KLHL3: variants seen among roughly 807,000 people sequenced by gnomAD.
KLHL3 encodes the protein kelch like family member 3.
Under a neutral mutation model 70.5 loss-of-function variants are expected in KLHL3, and 19 were observed. The observed-to-expected ratio is 0.27, with a 90% CI of 0.19 to 0.40. The LOEUF is 0.40. KLHL3 is among the 10% of genes least tolerant of loss of function. The pLI is 1.00. For missense variants in KLHL3, 512 were observed against 771.1 expected, an observed-to-expected ratio of 0.66 and a Z score of 3.98; for synonymous variants, 258 against 290.3, an observed-to-expected ratio of 0.89 and a Z score of 1.13.
intron 8 of KLHL3, among the ~76,000 whole-genome samples, chr5:137,645,159 T>A (rs1351582128): frequency 6.6e-6 from 1 of 152,148 alleles, no homozygotes; most frequent in African/African-American, 2.4e-5. Flanking sequence ...AGAAGGAATG[T>A]AACTCAACAT....
Position 137,618,059 on chromosome 5 carries a change from A to G in KLHL3, c.*4039T>C. The G allele has an allele frequency of 6.6e-6, 1 of 152,658 alleles. No homozygotes were observed. The highest frequency in any genetic ancestry group is 1.5e-5 in the Non-Finnish European group (1 of 68,056). 9.5% of individuals were successfully genotyped at this position (152,658 alleles called of 1,614,324 possible). A position where few individuals can be genotyped will look rare whatever the true frequency, so the allele number is the denominator to read the frequency against. Reference sequence around the variant, plus strand: ...CTATGAGGCTGTAATTATCCACTACAGAAGAAATCTCTTCCATTCCCAAAT... The same window carrying G: ...CTATGAGGCTGTAATTATCCACTACGGAAGAAATCTCTTCCATTCCCAAAT... On this transcript the variant is annotated 3_prime_UTR_variant, in exon 15 of 15. Coordinates refer to ENST00000309755, the MANE Select transcript of KLHL3 (RefSeq NM_017415.3).
chr5:137,711,605 C>T (rs1018555557), intron 2 of KLHL3, among the ~76,000 whole-genome samples: 2 of 152,144 alleles, frequency 1.3e-5, no homozygotes, highest in African/African-American at 2.4e-5. Flanking sequence ...GGACAGCAGA[C>T]CTTAATCACC....
chr5:137,698,710 C>T (rs934707150), intron 3 of KLHL3, among the ~76,000 whole-genome samples: 4 of 152,190 alleles, frequency 2.6e-5, no homozygotes, highest in Non-Finnish European at 1.5e-5. Context: ...TGTAAACTTC[C>T]ATATACAAGG....
chr5:137,731,483 G>A lies in KLHL3; in HGVS notation c.14+4150C>T, dbSNP rs193022408. Among the ~76,000 whole-genome samples, 86 of 152,286 alleles carry A rather than the reference G, an allele frequency of 5.6e-4. 1 individual carries two copies. The East Asian group carries it at 6.0e-3, about 11-fold the overall frequency. On this transcript the variant is annotated intron_variant, in intron 1 of 14. Coordinates refer to ENST00000309755, the MANE Select transcript of KLHL3 (RefSeq NM_017415.3). Reference sequence around the variant, plus strand: ...GACATTACAAAACTCAACATTTAAAGTGTACTGGCTTTCTAAGTCTTGTCT... The same window carrying A: ...GACATTACAAAACTCAACATTTAAAATGTACTGGCTTTCTAAGTCTTGTCT...
chr5:137,707,177 G>A (rs1011644314), intron 3 of KLHL3, among the ~76,000 whole-genome samples: 1 of 152,262 alleles, frequency 6.6e-6, no homozygotes, highest in Non-Finnish European at 1.5e-5. Context: ...GCTCATGCCT[G>A]TAATCCCAAC....
chr5:137,647,497 C>A, intron 8 of KLHL3: 1 of 470,454 alleles, frequency 2.1e-6, no homozygotes. Context: ...GGGCTCTACA[C>A]ACTTTTTTCA....
chr5:137,702,288 C>G (rs1752587260), intron 3 of KLHL3, among the ~76,000 whole-genome samples: 1 of 152,104 alleles, frequency 6.6e-6, no homozygotes, highest in African/African-American at 2.4e-5. Context: ...AGATAGAGTC[C>G]ATTGTTTTCA....
At position 137,677,554 on chromosome 5, in the gene KLHL3, T is replaced by C. The variant is rs143713380; in HGVS notation, c.627A>G (p.Ser209=). 4.0e-4 allele frequency: 636 copies of C among 1,599,080 alleles called. 2 individuals are homozygous for C. The African/African-American group carries it at 4.4e-3, about 11-fold the overall frequency. ...GTGAGCCATGTCATACCTTCTCTTCTGAAGAAACGGTCAGCTTGTCGCTGG... is the reference window on the plus strand; with the variant it reads ...GTGAGCCATGTCATACCTTCTCTTCCGAAGAAACGGTCAGCTTGTCGCTGG... The part of the protein sequence containing the change: ...LISSDKLTVS[S]EEKVFEAVIS... The change falls in exon 6 of 15, where the codon TCA becomes TCG. Residue 209 remains serine, a synonymous_variant. Coordinates refer to ENST00000309755, the MANE Select transcript of KLHL3 (RefSeq NM_017415.3).
At chr5:137,720,355 A>G (rs1752974913) in intron 2 of KLHL3, 110 bp downstream of exon 2, 1 of 1,304,758 alleles carries the variant, frequency 7.7e-7, no homozygotes, top group South Asian at 1.3e-5. Context: ...GAATGGATGG[A>G]AAGAGTCAGA....
Position 137,709,766 on chromosome 5 carries a change from G to T in KLHL3, c.225C>A (p.Phe75Leu). 1.9e-6 allele frequency: 3 copies of T among 1,613,926 alleles called. No homozygotes were observed. Among genetic ancestry groups the T allele is most frequent in the Non-Finnish European group, 2.5e-6 (3 of 1,179,828 alleles). The change falls in exon 3 of 15, where the codon TTC (phenylalanine) becomes TTA (leucine). Residue 75 changes from phenylalanine to leucine, a missense_variant. Phe to Leu is a conservative substitution (Grantham distance 22). Coordinates refer to ENST00000309755, the MANE Select transcript of KLHL3 (RefSeq NM_017415.3). ...RVVLAACSPY[F>L]CAMFTGDMSE... Reference sequence around the variant, plus strand: ...TCACCATACCTGTGAACATCGCACAGAAGTAGGGGCTGCAGGCTGCCAGGA... The same window carrying T: ...TCACCATACCTGTGAACATCGCACATAAGTAGGGGCTGCAGGCTGCCAGGA...
At chr5:137,682,397 T>A (rs967313580) in intron 5 of KLHL3, among the ~76,000 whole-genome samples, 6 of 60,396 alleles carry the variant, frequency 9.9e-5, no homozygotes, top group African/African-American at 3.7e-4. Flanking sequence ...TCAGGGGTGC[T>A]GGACATAGAG....
chr5:137,704,077 A>G (rs543896234), intron 3 of KLHL3, among the ~76,000 whole-genome samples: 9 of 152,310 alleles, frequency 5.9e-5, no homozygotes, highest in African/African-American at 2.2e-4. Context: ...AGGATCAGAG[A>G]GGAAAGTGAA....
At chr5:137,668,153 A>T (rs961179366) in intron 6 of KLHL3, among the ~76,000 whole-genome samples, 1 of 152,212 alleles carries the variant, frequency 6.6e-6, no homozygotes, top group Non-Finnish European at 1.5e-5. Flanking sequence ...CTGTAATCCC[A>T]GTACTGTGGG....
chr5:137,670,329 C>CA (rs11386045), intron 6 of KLHL3, among the ~76,000 whole-genome samples: 29,619 of 151,580 alleles, frequency 0.2, 3,107 homozygotes, highest in African/African-American at 0.27. Flanking sequence ...AAGTCACAAT[C>CA]AAAAATTATA....
chr5:137,720,244 G>A (rs186257739), intron 2 of KLHL3, among the ~76,000 whole-genome samples: 1 of 151,878 alleles, frequency 6.6e-6, no homozygotes, highest in African/African-American at 2.4e-5. Flanking sequence ...AGGTTGCAGT[G>A]AGCCAAGATC....
chr5:137,661,336 A>G (rs1477027714), intron 7 of KLHL3: 1 of 152,234 alleles, frequency 6.6e-6, no homozygotes, highest in Non-Finnish European at 1.5e-5. Context: ...ACGAGAAAAC[A>G]TATGGCACCA....
At chr5:137,731,403 A>G (rs1019162856) in intron 1 of KLHL3, among the ~76,000 whole-genome samples, 2 of 152,192 alleles carry the variant, frequency 1.3e-5, no homozygotes, top group African/African-American at 4.8e-5. Flanking sequence ...GGAACAGAAA[A>G]AAGGCTAGGT....
chr5:137,637,522 C>T, intron 10 of KLHL3, 127 bp from the exon 11 acceptor site: 1 of 725,720 alleles, frequency 1.4e-6, no homozygotes, highest in African/African-American at 1.7e-5. Flanking sequence ...CTCAGTACCA[C>T]CTCTGCATCA....
At chr5:137,682,998 G>A (rs1329136124) in intron 5 of KLHL3, among the ~76,000 whole-genome samples, 1 of 152,194 alleles carries the variant, frequency 6.6e-6, no homozygotes, top group Non-Finnish European at 1.5e-5. Flanking sequence ...TGCGGGGATT[G>A]AGAGACATAA....
Sources: gnomAD v4.1 joint callset for allele counts (sites outside exome capture counted in the v4.1 genomes callset) on GRCh38, gnomAD v4.1.1 for gene constraint, MANE v1.5 for transcripts, NCBI Gene and HGNC (gene_info 2026-07-23, HGNC 2026-07-21) for gene names.